The following COL8A1 variants were observed in gnomAD, a reference collection of about 807,000 sequenced individuals.
COL8A1 encodes collagen type VIII alpha 1 chain, also known as collagen alpha-1(VIII) chain.
A neutral mutation model predicts 42.7 loss-of-function variants in COL8A1; 21 were observed. That is an observed-to-expected ratio of 0.49 (90% CI 0.35 to 0.71). The LOEUF (loss-of-function observed/expected upper bound fraction) is 0.71, where lower values mean the gene tolerates loss of function less well. COL8A1 is among the 30% of genes least tolerant of loss of function. COL8A1 has a pLI of 0.01. For missense variants in COL8A1, 788 were observed against 962.4 expected, an observed-to-expected ratio of 0.82 and a Z score of 2.40; for synonymous variants, 367 against 369.1, an observed-to-expected ratio of 0.99 and a Z score of 0.06.
intron 1 of COL8A1, among the ~76,000 whole-genome samples, chr3:99,676,091 T>C (rs1576425453): frequency 6.6e-6 from 1 of 152,158 alleles, no homozygotes; most frequent in Middle Eastern, 3.4e-3. Context: ...TACCAGTAAA[T>C]ATGACAATTT....
chr3:99,770,478 A>G (rs1195630555), intron 2 of COL8A1, among the ~76,000 whole-genome samples: 1 of 152,188 alleles, frequency 6.6e-6, no homozygotes, highest in Non-Finnish European at 1.5e-5. Context: ...TTCACTCAAA[A>G]ACATGTATTC....
At chr3:99,737,262 C>T (rs1940752722) in intron 1 of COL8A1, among the ~76,000 whole-genome samples, 1 of 151,692 alleles carries the variant, frequency 6.6e-6, no homozygotes, top group South Asian at 2.1e-4. Context: ...GAATTTGATC[C>T]TGTCATTATG....
rs372040145 is a variant in COL8A1 at position 99,674,444 on chromosome 3, T to TAAA, written c.-129+35790_-129+35792dup. On this transcript the variant is annotated intron_variant, in intron 1 of 3. Coordinates refer to ENST00000652472, the MANE Select transcript of COL8A1 (RefSeq NM_020351.4). ...AGATAAAGTGTATTGTCTCCTTTTT[T>TAAA]AAAAAAAAAAAAGCCTTGAAGGTGT... Among the ~76,000 whole-genome samples the TAAA allele has an allele frequency of 1.0e-4, 15 of 143,012 alleles. No homozygotes were observed. In the East Asian group the frequency reaches 1.4e-3, roughly 13 times the overall value. The allele number at this position is 143,012 out of a possible 152,430, so 93.8% of individuals were successfully genotyped here. A position where few individuals can be genotyped will look rare whatever the true frequency, so the allele number is the denominator to read the frequency against.
chr3:99,707,150 T>C (rs1185984128), intron 1 of COL8A1: 1 of 151,914 alleles, frequency 6.6e-6, no homozygotes, highest in African/African-American at 2.4e-5. Context: ...TGAGACGGAG[T>C]TGTGAAACAG....
At chr3:99,766,736 G>A (rs533843002) in intron 2 of COL8A1, among the ~76,000 whole-genome samples, 1 of 152,156 alleles carries the variant, frequency 6.6e-6, no homozygotes, top group Admixed American at 6.5e-5. Context: ...GATCACCTGA[G>A]GTCAGGAGTT....
At chr3:99,687,579 G>C (rs1029147542) in intron 1 of COL8A1, among the ~76,000 whole-genome samples, 3 of 152,204 alleles carry the variant, frequency 2.0e-5, no homozygotes, top group African/African-American at 7.2e-5. Flanking sequence ...ATATACACTA[G>C]GTGCTGGCAG....
At chr3:99,705,910 C>T (rs1051810621) in intron 1 of COL8A1, among the ~76,000 whole-genome samples, 1 of 152,090 alleles carries the variant, frequency 6.6e-6, no homozygotes, top group East Asian at 1.9e-4. Flanking sequence ...GTAATAATAC[C>T]TACTTTTAAA....
intron 2 of COL8A1, among the ~76,000 whole-genome samples, chr3:99,779,787 T>C (rs1245101240): frequency 6.6e-6 from 1 of 151,692 alleles, no homozygotes; most frequent in Non-Finnish European, 1.5e-5. Context: ...ACTGGGGATT[T>C]AGAAAAATGC....
At chr3:99,767,890 A>G (rs1204590685) in intron 2 of COL8A1, among the ~76,000 whole-genome samples, 2 of 152,232 alleles carry the variant, frequency 1.3e-5, no homozygotes, top group East Asian at 3.8e-4. Context: ...AACTAATACT[A>G]GAAGAATTAT....
chr3:99,682,533 A>C (rs953326849), intron 1 of COL8A1, among the ~76,000 whole-genome samples: 2 of 152,118 alleles, frequency 1.3e-5, no homozygotes, highest in African/African-American at 2.4e-5. Flanking sequence ...ATTCTGTATT[A>C]TAAATATTTT....
Position 99,797,104 on chromosome 3 carries a change from T to A in COL8A1, c.*968T>A, listed in dbSNP as rs1040157591. ...GAATATTTATTTGTAATAGCAGTTA[T>A]CAGTTATGCTTATATAGCATTAAAA... On this transcript the variant is annotated 3_prime_UTR_variant, in exon 4 of 4. Coordinates refer to ENST00000652472, the MANE Select transcript of COL8A1 (RefSeq NM_020351.4). The A allele has an allele frequency of 6.6e-6, 1 of 152,230 alleles. No individual in the cohort carries two copies. Among genetic ancestry groups the A allele is most frequent in the African/African-American group, 2.4e-5 (1 of 41,472 alleles). The allele number at this position is 152,230 out of a possible 1,614,324, so 9.4% of individuals were successfully genotyped here.
At chr3:99,690,517 T>C (rs1192653887) in intron 1 of COL8A1, among the ~76,000 whole-genome samples, 1 of 152,180 alleles carries the variant, frequency 6.6e-6, no homozygotes, top group Non-Finnish European at 1.5e-5. Context: ...AGGTACAGGC[T>C]CTCTTTTCTT....
intron 1 of COL8A1, among the ~76,000 whole-genome samples, chr3:99,693,199 A>C (rs1488745054): frequency 1.3e-5 from 2 of 152,180 alleles, no homozygotes; most frequent in Non-Finnish European, 2.9e-5. Flanking sequence ...AAAAAACAAA[A>C]ATAAAAACAA....
chr3:99,795,250 G>A lies in COL8A1; in HGVS notation c.1349G>A (p.Gly450Asp), dbSNP rs575876302. The A allele has an allele frequency of 6.2e-7, 1 of 1,613,344 alleles. No individual in the cohort carries two copies. Among genetic ancestry groups the A allele is most frequent in the African/African-American group, 1.3e-5 (1 of 75,004 alleles). ...TTCCTTGGTGAAGTAGGGCCTCCTG[G>A]CATGAGGGGTTTGCCAGGTCCCATA... is the stretch of plus-strand genomic sequence containing the variant. Reference protein sequence around the residue: ...PGFLGEVGPPGMRGLPGPIGP... With the variant: ...PGFLGEVGPPDMRGLPGPIGP... The change falls in exon 4 of 4, where the codon GGC becomes GAC. Residue 450 changes from glycine (G) to aspartate (D), a missense_variant. Gly to Asp is a moderately conservative substitution (Grantham distance 94). Coordinates refer to ENST00000652472, the MANE Select transcript of COL8A1 (RefSeq NM_020351.4).
At chr3:99,651,693 C>A (rs546620122) in intron 1 of COL8A1, among the ~76,000 whole-genome samples, 1 of 152,274 alleles carries the variant, frequency 6.6e-6, no homozygotes, top group African/African-American at 2.4e-5. Flanking sequence ...AGAAAATAAG[C>A]CAGAGTGAAT....
At chr3:99,688,201 A>T (rs1461123072) in intron 1 of COL8A1, among the ~76,000 whole-genome samples, 1 of 152,242 alleles carries the variant, frequency 6.6e-6, no homozygotes, top group African/African-American at 2.4e-5. Context: ...CTGTTGTAAC[A>T]AACCACCACA....
At chr3:99,728,410 A>G (rs1379968539) in intron 1 of COL8A1, among the ~76,000 whole-genome samples, 1 of 151,974 alleles carries the variant, frequency 6.6e-6, no homozygotes, top group Non-Finnish European at 1.5e-5. Context: ...ACCATGGTCT[A>G]GATTATGGTT....
At chr3:99,645,732 G>A (rs1937629813) in intron 1 of COL8A1, among the ~76,000 whole-genome samples, 2 of 150,962 alleles carry the variant, frequency 1.3e-5, no homozygotes, top group African/African-American at 2.4e-5. Flanking sequence ...AAGCCTCTAA[G>A]AATAAATCAC....
chr3:99,703,592 G>T (rs1939602120), intron 1 of COL8A1: 1 of 152,214 alleles, frequency 6.6e-6, no homozygotes, highest in Admixed American at 6.5e-5. Flanking sequence ...ATACTTGACT[G>T]TGTCACATTG....
Sources: gnomAD v4.1 joint callset for allele counts (sites outside exome capture counted in the v4.1 genomes callset) on GRCh38, gnomAD v4.1.1 for gene constraint, MANE v1.5 for transcripts, NCBI Gene and HGNC (gene_info 2026-07-23, HGNC 2026-07-21) for gene names.